Variants in HS3ST4 observed in about 807,000 individuals in gnomAD.
The protein encoded by HS3ST4 is heparan sulfate glucosamine 3-O-sulfotransferase 4.
In HS3ST4, 17 loss-of-function variants were observed where a neutral mutation model predicts 29.2. The ratio of observed to expected loss-of-function variants is 0.58; its 90% confidence interval spans 0.40 to 0.87. The LOEUF is 0.87. Ranked by LOEUF, HS3ST4 falls within the 40% of genes least tolerant of loss-of-function variation. The pLI is 0.00. For missense variants in HS3ST4, 627 were observed against 634.5 expected, an observed-to-expected ratio of 0.99 and a Z score of 0.13; for synonymous variants, 314 against 285.7, an observed-to-expected ratio of 1.10 and a Z score of -1.00.
At chr16:25,864,986 A>G (rs1967679608) in intron 1 of HS3ST4, among the ~76,000 whole-genome samples, 1 of 134,732 alleles carries the variant, frequency 7.4e-6, no homozygotes, top group African/African-American at 2.5e-5. Context: ...ACACACACAT[A>G]CACACTCACA....
rs377131824 is a variant in HS3ST4, at chr16:26,013,639, C to T, written c.735-121973C>T. Among the ~76,000 whole-genome samples the T allele has an allele frequency of 4.2e-3, 633 of 152,242 alleles. 5 individuals carry two copies. Among genetic ancestry groups the T allele is most frequent in the African/African-American group, 0.014 (583 of 41,544 alleles). On this transcript the variant is annotated intron_variant, in intron 1 of 1. Transcript: ENST00000331351. ...TATTTTTTAAATATTTCAAATATGT[C>T]GAAAGTGTTCTCACCTCAGGGCCTT...
intron 1 of HS3ST4, among the ~76,000 whole-genome samples, chr16:25,708,940 C>G (rs1966395064): frequency 2.0e-5 from 3 of 152,120 alleles, no homozygotes; most frequent in Admixed American, 6.5e-5. Flanking sequence ...AGTGGTGGTT[C>G]AAAACTTCAT....
chr16:25,709,047 T>C (rs558019527), intron 1 of HS3ST4, among the ~76,000 whole-genome samples: 30 of 152,208 alleles, frequency 2.0e-4, no homozygotes, highest in African/African-American at 6.3e-4. Flanking sequence ...AGGAATTTAA[T>C]GGCTCATGTA....
rs1178945861 is a variant in HS3ST4 at position 25,692,976 on chromosome 16, G to A, written c.559G>A (p.Val187Ile). 4 of 1,610,932 alleles carry A rather than the reference G, an allele frequency of 2.5e-6. No individual in the cohort carries two copies. The highest frequency in any genetic ancestry group is 3.4e-6 in the Non-Finnish European group (4 of 1,179,196). ...CGGGAGCAGCGAGAGGGGCGGCGCC[G>A]TCAGCACCCCCGACTATGGGGAGAA... is the stretch of plus-strand genomic sequence containing the variant. Reference protein sequence around the residue: ...ANGSSERGGAVSTPDYGEKKL... With the variant: ...ANGSSERGGAISTPDYGEKKL... Residue 187 changes from valine to isoleucine, a missense_variant, in exon 1 of 2, where the codon GTC (valine) becomes ATC (isoleucine). Physicochemically the swap from Val to Ile is conservative, Grantham distance 29. Around this residue, in one of 2 missense-constraint regions of HS3ST4, gnomAD observed 402 missense variants for 340.8 expected, o/e 1.18. Coordinates refer to ENST00000331351, the MANE Select transcript of HS3ST4 (RefSeq NM_006040.3).
chr16:26,130,754 G>A (rs187338941), intron 1 of HS3ST4, among the ~76,000 whole-genome samples: 63 of 152,286 alleles, frequency 4.1e-4, no homozygotes, highest in Non-Finnish European at 7.8e-4. Flanking sequence ...GGACAGTCGT[G>A]TCTTCTTCTA....
intron 1 of HS3ST4, among the ~76,000 whole-genome samples, chr16:26,057,544 A>G (rs1898424978): frequency 1.3e-5 from 2 of 152,084 alleles, no homozygotes; most frequent in Admixed American, 1.3e-4. Flanking sequence ...CATGAGGTCA[A>G]GAGATCAAGA....
intron 1 of HS3ST4, among the ~76,000 whole-genome samples, chr16:25,935,850 T>TA (rs902471740): frequency 1.3e-5 from 2 of 151,928 alleles, no homozygotes; most frequent in South Asian, 2.1e-4. Context: ...TCTCCCACGT[T>TA]AAAAAAAAGT....
At chr16:25,874,997 A>G (rs1967814926) in intron 1 of HS3ST4, among the ~76,000 whole-genome samples, 1 of 152,156 alleles carries the variant, frequency 6.6e-6, no homozygotes, top group Non-Finnish European at 1.5e-5. Context: ...CTACACACAC[A>G]TGTTTAGAAT....
chr16:25,765,172 T>C (rs1966809993), intron 1 of HS3ST4, among the ~76,000 whole-genome samples: 1 of 152,216 alleles, frequency 6.6e-6, no homozygotes, highest in Non-Finnish European at 1.5e-5. Flanking sequence ...CGCAGCCTTA[T>C]TTAAAGTTAT....
chr16:25,989,376 T>A (rs1969094184), intron 1 of HS3ST4, among the ~76,000 whole-genome samples: 1 of 152,182 alleles, frequency 6.6e-6, no homozygotes, highest in Non-Finnish European at 1.5e-5. Context: ...AATCTATTAA[T>A]ATGAGTGATC....
chr16:25,732,142 T>C (rs1448528410), intron 1 of HS3ST4, among the ~76,000 whole-genome samples: 5 of 152,212 alleles, frequency 3.3e-5, no homozygotes, highest in African/African-American at 1.2e-4. Context: ...TAATTGAATT[T>C]TAGATCTTTA....
chr16:25,952,495 G>C (rs187390386), intron 1 of HS3ST4, among the ~76,000 whole-genome samples: 8 of 152,228 alleles, frequency 5.3e-5, no homozygotes, highest in Middle Eastern at 3.4e-3. Context: ...TATTCTTTAC[G>C]AGCTCTTAAC....
rs542286345 is a variant in HS3ST4, at chr16:25,747,668, A to G, written c.734+54517A>G. ...TCAAGCCTGGTTCCTTCTGACACCA[A>G]TGTCTGTGCTCTCAGTCCCTGCGCT... On this transcript the variant is annotated intron_variant, in intron 1 of 1. Transcript: ENST00000331351. 5.9e-5 allele frequency among the ~76,000 whole-genome samples: 9 copies of G among 152,334 alleles called. 1 individual carries two copies. In the South Asian group the frequency reaches 1.5e-3, roughly 25 times the overall value.
At chr16:25,850,277 T>C (rs4502220) in intron 1 of HS3ST4, among the ~76,000 whole-genome samples, 151,331 of 152,270 alleles carry the variant, frequency 0.99, 75,205 homozygotes, top group East Asian at 1. Flanking sequence ...CGTGAGCCAC[T>C]GTGCCCGGCC....
At chr16:25,999,524 C>T (rs1029152325) in intron 1 of HS3ST4, among the ~76,000 whole-genome samples, 18 of 151,266 alleles carry the variant, frequency 1.2e-4, no homozygotes, top group South Asian at 2.1e-4. Context: ...TTTTCTATTC[C>T]GTAATCTAGT....
intron 1 of HS3ST4, among the ~76,000 whole-genome samples, chr16:26,134,472 C>A (rs1194399417): frequency 1.3e-5 from 2 of 150,200 alleles, no homozygotes; most frequent in East Asian, 3.9e-4. Flanking sequence ...AAGTGATTTT[C>A]CTGCCTCAGC....
intron 1 of HS3ST4, among the ~76,000 whole-genome samples, chr16:25,898,465 T>G (rs1030017676): frequency 3.9e-5 from 6 of 152,240 alleles, no homozygotes. Context: ...ATCAGCTTCA[T>G]GGTTTTACGA....
rs182370547 is a variant in HS3ST4, at chr16:26,132,809, G to C, written c.735-2803G>C. On this transcript the variant is annotated intron_variant, in intron 1 of 1. Transcript: ENST00000331351. ...TTTGTGTGTCAAAAGTACATCAGGGGAACTAAAATCTGGAAAAGGCCGTAT... is the reference window on the plus strand; with the variant it reads ...TTTGTGTGTCAAAAGTACATCAGGGCAACTAAAATCTGGAAAAGGCCGTAT... Among the ~76,000 whole-genome samples, 358 of 152,176 alleles carry C rather than the reference G, an allele frequency of 2.4e-3. 3 individuals carry two copies. Among genetic ancestry groups the C allele is most frequent in the African/African-American group, 7.5e-3 (311 of 41,530 alleles).
intron 1 of HS3ST4, among the ~76,000 whole-genome samples, chr16:25,873,378 T>TCATCCATC (rs371356328): frequency 0.19 from 18,129 of 96,390 alleles, 1,449 homozygotes; most frequent in Middle Eastern, 0.28. Flanking sequence ...AGCCATCCAG[T>TCATCCATC]CATCCATCCA....
Sources: gnomAD v4.1 joint callset for allele counts (sites outside exome capture counted in the v4.1 genomes callset) on GRCh38, gnomAD v4.1.1 for gene constraint, gnomAD v4.1.1 regional missense constraint, MANE v1.5 for transcripts, NCBI Gene and HGNC (gene_info 2026-07-23, HGNC 2026-07-21) for gene names.